Variants in EXOC6B observed in about 807,000 individuals in gnomAD.
EXOC6B encodes exocyst complex component 6B, also known as SEC15 homolog B.
In EXOC6B, 54 loss-of-function variants were observed where a neutral mutation model predicts 113.5. The observed-to-expected ratio is 0.48, with a 90% CI of 0.38 to 0.60. The LOEUF (loss-of-function observed/expected upper bound fraction) is 0.60, where lower values mean the gene tolerates loss of function less well. Among genes scored for constraint, EXOC6B ranks in the 20% least tolerant of loss-of-function variants. The pLI is 0.00. For missense variants in EXOC6B, 797 were observed against 977.5 expected, an observed-to-expected ratio of 0.82 and a Z score of 2.46; for synonymous variants, 357 against 339.0, an observed-to-expected ratio of 1.05 and a Z score of -0.58.
chr2:72,763,829 C>G (rs1303484131), intron 1 of EXOC6B, among the ~76,000 whole-genome samples: 1 of 151,928 alleles, frequency 6.6e-6, no homozygotes. Flanking sequence ...ACCTGTAAAC[C>G]CAGCAGCTTG....
At chr2:72,421,713 C>G (rs1694875774) in intron 18 of EXOC6B, among the ~76,000 whole-genome samples, 1 of 152,372 alleles carries the variant, frequency 6.6e-6, no homozygotes, top group South Asian at 2.1e-4. Context: ...TCTGCCTGGG[C>G]TCCCACTTTG....
chr2:72,249,957 G>T (rs1682903656), intron 20 of EXOC6B, among the ~76,000 whole-genome samples: 1 of 152,152 alleles, frequency 6.6e-6, no homozygotes. Context: ...ACTCAATCCT[G>T]ATTTACTCAT....
At chr2:72,420,562 T>C (rs1694813782) in intron 18 of EXOC6B, among the ~76,000 whole-genome samples, 1 of 152,200 alleles carries the variant, frequency 6.6e-6, no homozygotes. Context: ...GCAAAGGACA[T>C]GAGCTCATCC....
intron 20 of EXOC6B, among the ~76,000 whole-genome samples, chr2:72,244,324 G>A (rs62147625): frequency 0.035 from 5,327 of 152,184 alleles, 131 homozygotes; most frequent in Non-Finnish European, 0.051. Flanking sequence ...AAATAGTCAT[G>A]TCAAGGGGAA....
At chr2:72,503,518 G>T (rs1331195297) in intron 11 of EXOC6B, among the ~76,000 whole-genome samples, 1 of 152,084 alleles carries the variant, frequency 6.6e-6, no homozygotes, top group African/African-American at 2.4e-5. Context: ...TCTTTTCATG[G>T]ATTGATAGCT....
intron 20 of EXOC6B, among the ~76,000 whole-genome samples, chr2:72,223,738 C>A (rs1381336807): frequency 6.6e-6 from 1 of 151,804 alleles, no homozygotes; most frequent in African/African-American, 2.4e-5. Context: ...TCCTGTAACA[C>A]TTCAGGAGGA....
At chr2:72,801,456 A>G (rs1325464651) in intron 1 of EXOC6B, among the ~76,000 whole-genome samples, 2 of 152,222 alleles carry the variant, frequency 1.3e-5, no homozygotes, top group Non-Finnish European at 2.9e-5. Context: ...CTTTTCACCT[A>G]AAGTTTCAGT....
At chr2:72,336,601 T>C (rs1302929051) in intron 19 of EXOC6B, among the ~76,000 whole-genome samples, 2 of 152,232 alleles carry the variant, frequency 1.3e-5, no homozygotes, top group African/African-American at 4.8e-5. Flanking sequence ...AGATAAATTA[T>C]ATGGCATGCT....
intron 16 of EXOC6B, among the ~76,000 whole-genome samples, chr2:72,487,168 T>G (rs907466626): frequency 6.6e-6 from 1 of 152,216 alleles, no homozygotes; most frequent in Non-Finnish European, 1.5e-5. Context: ...ATAAACGCAT[T>G]ACTACTAATT....
chr2:72,372,681 T>C (rs540758795), intron 19 of EXOC6B, among the ~76,000 whole-genome samples: 1 of 152,046 alleles, frequency 6.6e-6, no homozygotes, highest in Non-Finnish European at 1.5e-5. Flanking sequence ...CTGTCTCTAC[T>C]AAAAATACAA....
At chr2:72,661,927 T>A (rs1196121766) in intron 6 of EXOC6B, among the ~76,000 whole-genome samples, 1 of 152,010 alleles carries the variant, frequency 6.6e-6, no homozygotes, top group Non-Finnish European at 1.5e-5. Flanking sequence ...ATATAGCCAG[T>A]TGATTTTTGA....
At chr2:72,817,466 A>T (rs1686315513) in intron 1 of EXOC6B, among the ~76,000 whole-genome samples, 1 of 152,218 alleles carries the variant, frequency 6.6e-6, no homozygotes, top group Non-Finnish European at 1.5e-5. Context: ...ACAGTTGGTG[A>T]TACAATTTTT....
At chr2:72,630,085 C>G (rs1171716243) in intron 6 of EXOC6B, among the ~76,000 whole-genome samples, 2 of 152,084 alleles carry the variant, frequency 1.3e-5, no homozygotes, top group African/African-American at 4.8e-5. Context: ...TTATATAGGC[C>G]AAGCCTCAAG....
At chr2:72,505,020 A>C (rs2105617987) in intron 11 of EXOC6B, among the ~76,000 whole-genome samples, 1 of 152,214 alleles carries the variant, frequency 6.6e-6, no homozygotes, top group Non-Finnish European at 1.5e-5. Flanking sequence ...GTTATATACA[A>C]ATACCATTTT....
At chr2:72,601,205 C>T (rs1030734633) in intron 6 of EXOC6B, among the ~76,000 whole-genome samples, 9 of 149,050 alleles carry the variant, frequency 6.0e-5, no homozygotes, top group South Asian at 4.2e-4. Context: ...TTTCCTGAGA[C>T]GGAGACTCAC....
chr2:72,690,659 G>A (rs1012888328), intron 6 of EXOC6B, among the ~76,000 whole-genome samples: 4 of 152,102 alleles, frequency 2.6e-5, no homozygotes, highest in Admixed American at 6.6e-5. Flanking sequence ...TAAATATAGA[G>A]CCTGTTATAT....
At chr2:72,308,794 G>A (rs1398689752) in intron 20 of EXOC6B, among the ~76,000 whole-genome samples, 1 of 151,996 alleles carries the variant, frequency 6.6e-6, no homozygotes, top group Non-Finnish European at 1.5e-5. Flanking sequence ...ATCTTAACAG[G>A]CAGGCAGTTC....
At chr2:72,682,303 C>T (rs1676764031) in intron 6 of EXOC6B, among the ~76,000 whole-genome samples, 1 of 152,170 alleles carries the variant, frequency 6.6e-6, no homozygotes. Context: ...GATATACTGA[C>T]ATTATTTTTT....
chr2:72,431,237 T>C (rs1248642408), intron 18 of EXOC6B, among the ~76,000 whole-genome samples: 1 of 152,242 alleles, frequency 6.6e-6, no homozygotes, highest in Admixed American at 6.5e-5. Context: ...GAAACTCTCA[T>C]GTGACATATA....
Sources: allele counts gnomAD v4.1 joint callset (sites outside exome capture counted in the v4.1 genomes callset), GRCh38; gene constraint gnomAD v4.1.1; transcripts MANE v1.5; gene names NCBI Gene and HGNC (gene_info 2026-07-23, HGNC 2026-07-21).